Variants in WWOX observed in about 807,000 individuals in gnomAD.
The protein encoded by WWOX is WW domain containing oxidoreductase.
In WWOX, 69 loss-of-function variants were observed where a neutral mutation model predicts 46.2. The ratio of observed to expected loss-of-function variants is 1.49; its 90% CI spans 1.23 to 1.82. The LOEUF (loss-of-function observed/expected upper bound fraction) is 1.82. WWOX is among the 40% of genes most tolerant of loss of function. WWOX has a pLI of 0.00. For missense variants in WWOX, 919 were observed against 542.6 expected (o/e 1.69, Z -6.89); for synonymous variants, 359 against 202.6 (o/e 1.77, Z -6.56).
At chr16:78,751,713 A>T (rs896545885) in intron 8 of WWOX, among the ~76,000 whole-genome samples, 1 of 151,748 alleles carries the variant, frequency 6.6e-6, no homozygotes, top group Non-Finnish European at 1.5e-5. Flanking sequence ...GTTCCTTACC[A>T]ACACGTAGAC....
chr16:78,419,038 T>C (rs2082864314), intron 6 of WWOX, among the ~76,000 whole-genome samples: 1 of 152,170 alleles, frequency 6.6e-6, no homozygotes, highest in African/African-American at 2.4e-5. Flanking sequence ...AATCACCTTA[T>C]CTGTAGAAAA....
intron 8 of WWOX, among the ~76,000 whole-genome samples, chr16:78,952,537 C>A (rs1033122107): frequency 5.9e-5 from 9 of 152,024 alleles, no homozygotes; most frequent in African/African-American, 2.2e-4. Flanking sequence ...CATGTACCAG[C>A]ACACCTGGCT....
Position 78,753,054 on chromosome 16 carries a change from G to C in WWOX, c.1056+320302G>C, listed in dbSNP as rs148225648. ...TCACGCCTATAATCCCAGCACTTTG[G>C]GAGGCCGAGGCGGGTGGATCACCTG... On this transcript the variant is annotated intron_variant, in intron 8 of 8. Coordinates refer to ENST00000566780, the MANE Select transcript of WWOX (RefSeq NM_016373.4). Among the ~76,000 whole-genome samples the C allele has an allele frequency of 5.1e-3, 773 of 152,292 alleles. 7 individuals carry two copies. The highest frequency in any genetic ancestry group is 0.018 in the African/African-American group (731 of 41,568).
intron 8 of WWOX, among the ~76,000 whole-genome samples, chr16:78,457,589 T>G (rs2083849454): frequency 6.6e-6 from 1 of 151,972 alleles, no homozygotes; most frequent in African/African-American, 2.4e-5. Flanking sequence ...ATTTACAACA[T>G]TTGTGGGGGC....
At chr16:79,176,303 C>G (rs2050799283) in intron 8 of WWOX, among the ~76,000 whole-genome samples, 1 of 152,232 alleles carries the variant, frequency 6.6e-6, no homozygotes, top group African/African-American at 2.4e-5. Context: ...TGGTTCCATT[C>G]TCCCTGCTGA....
chr16:79,143,396 A>C (rs12449066), intron 8 of WWOX, among the ~76,000 whole-genome samples: 2 of 152,128 alleles, frequency 1.3e-5, no homozygotes, highest in African/African-American at 4.8e-5. Context: ...CTGAAGATCA[A>C]TCATTGTAAC....
intron 8 of WWOX, among the ~76,000 whole-genome samples, chr16:79,102,915 C>T (rs944876595): frequency 6.6e-6 from 1 of 151,358 alleles, no homozygotes; most frequent in African/African-American, 2.5e-5. Context: ...GCTGGTGGCT[C>T]CTCCTCTCTG....
At chr16:78,576,820 G>A (rs1052396721) in intron 8 of WWOX, among the ~76,000 whole-genome samples, 2 of 152,180 alleles carry the variant, frequency 1.3e-5, no homozygotes, top group African/African-American at 4.8e-5. Context: ...AACACAACAA[G>A]ACCCTGTCCC....
At chr16:79,191,015 A>G (rs543516294) in intron 8 of WWOX, among the ~76,000 whole-genome samples, 3 of 152,272 alleles carry the variant, frequency 2.0e-5, no homozygotes, top group African/African-American at 7.2e-5. Context: ...AGATGCTGGG[A>G]AGATGAGCAA....
At chr16:78,321,681 A>G (rs543912409) in intron 5 of WWOX, among the ~76,000 whole-genome samples, 11 of 152,236 alleles carry the variant, frequency 7.2e-5, no homozygotes, top group Non-Finnish European at 1.2e-4. Context: ...GGAAAAGTAA[A>G]TGATTGGAAG....
chr16:78,963,451 G>C (rs2046309083), intron 8 of WWOX, among the ~76,000 whole-genome samples: 1 of 152,164 alleles, frequency 6.6e-6, no homozygotes, highest in Admixed American at 6.5e-5. Flanking sequence ...TTGGGCGACA[G>C]AGTAATACCC....
chr16:79,029,488 A>G lies in WWOX; in HGVS notation c.1057-182120A>G, dbSNP rs1435538191. ...GCTATTACTCATCTGAAGTTATACT[A>G]TTTTAGGATCTTGGGGCAGTGAGGA... On this transcript the variant is annotated intron_variant, in intron 8 of 8. Coordinates refer to ENST00000566780, the MANE Select transcript of WWOX (RefSeq NM_016373.4). Among the ~76,000 whole-genome samples the G allele has an allele frequency of 2.0e-5, 3 of 152,324 alleles. No individual in the cohort carries two copies. The East Asian group carries it at 5.8e-4, about 29-fold the overall frequency.
chr16:79,010,882 A>G (rs1053287525), intron 8 of WWOX, among the ~76,000 whole-genome samples: 3 of 151,866 alleles, frequency 2.0e-5, no homozygotes, highest in Non-Finnish European at 4.4e-5. Context: ...GGGAACAGAG[A>G]GCGAGAGGGC....
chr16:78,376,591 C>G (rs1325225195), intron 5 of WWOX, among the ~76,000 whole-genome samples: 3 of 152,188 alleles, frequency 2.0e-5, no homozygotes. Flanking sequence ...CACACGCAGG[C>G]ATCCTCGGGA....
intron 5 of WWOX, among the ~76,000 whole-genome samples, chr16:78,176,358 G>C (rs373005657): frequency 1.3e-5 from 2 of 152,340 alleles, no homozygotes; most frequent in African/African-American, 4.8e-5. Context: ...AGGCTAGGCA[G>C]CTGGAGAGCG....
intron 8 of WWOX, among the ~76,000 whole-genome samples, chr16:78,636,088 T>G (rs1055454580): frequency 6.6e-6 from 1 of 152,164 alleles, no homozygotes; most frequent in African/African-American, 2.4e-5. Context: ...TGCACTCTAG[T>G]AGTGATTAAA....
At chr16:78,990,804 A>C (rs1011191937) in intron 8 of WWOX, among the ~76,000 whole-genome samples, 1 of 152,220 alleles carries the variant, frequency 6.6e-6, no homozygotes, top group Non-Finnish European at 1.5e-5. Context: ...TGTCTTAATC[A>C]AGCTTTGCCT....
chr16:78,828,489 C>G (rs1009800322), intron 8 of WWOX, among the ~76,000 whole-genome samples: 2 of 152,026 alleles, frequency 1.3e-5, no homozygotes, highest in African/African-American at 4.8e-5. Context: ...ATCTAAAGTC[C>G]AGCACTGCAC....
At position 78,604,731 on chromosome 16, in the gene WWOX, C is replaced by CTTTCT. The variant is rs1261822148; in HGVS notation, c.1056+171979_1056+171980insTTTCT. Among the ~76,000 whole-genome samples, 9 of 3,560 alleles carry CTTTCT rather than the reference C, an allele frequency of 2.5e-3. 1 individual carries two copies. Among genetic ancestry groups the CTTTCT allele is most frequent in the African/African-American group, 0.01 (9 of 858 alleles). The allele number at this position is 3,560 out of a possible 152,430, so 2.3% of individuals were successfully genotyped here. A position where few individuals can be genotyped will look rare whatever the true frequency, so the allele number is the denominator to read the frequency against. On this transcript the variant is annotated intron_variant, in intron 8 of 8. Transcript: ENST00000566780. ...CCCTCCTTCCCCCCTCCCTCCTTCC[C>CTTTCT]CCCTCCCTCCTTCCCCCCTCCCTCC...
Sources: gnomAD v4.1 joint callset for allele counts (sites outside exome capture counted in the v4.1 genomes callset) on GRCh38, gnomAD v4.1.1 for gene constraint, MANE v1.5 for transcripts, NCBI Gene and HGNC (gene_info 2026-07-23, HGNC 2026-07-21) for gene names.